Variants in PFKFB4 observed in about 807,000 individuals in gnomAD.
PFKFB4 encodes the protein 6-phosphofructo-2-kinase/fructose-2,6-biphosphatase 4, also known as 6-phosphofructo-2-kinase/fructose-2,6-bisphosphatase 4.
In PFKFB4, 42 loss-of-function variants were observed where a neutral mutation model predicts 62.8. That is an observed-to-expected ratio of 0.67 (90% CI 0.52 to 0.86). The LOEUF is 0.86. PFKFB4 is among the 40% of genes least tolerant of loss of function. The pLI, the probability that PFKFB4 is intolerant of heterozygous loss-of-function variation, is 0.00. For missense variants in PFKFB4, 475 were observed against 627.2 expected (o/e 0.76, Z 2.59); for synonymous variants, 204 against 240.7 (o/e 0.85, Z 1.41).
chr3:48,559,697 C>A, upstream of PFKFB4: 1 of 432,832 alleles, frequency 2.3e-6, no homozygotes, highest in South Asian at 1.7e-5. Context: ...CACGTGTGAA[C>A]ATGTTCTGCT....
upstream of PFKFB4, chr3:48,562,596 G>A: frequency 1.6e-6 from 1 of 619,126 alleles, no homozygotes; most frequent in Non-Finnish European, 2.7e-6. This position sits in a 1 kb window ranked among gnomAD's most constrained non-coding sequence, Gnocchi z 4.3. Context: ...GTGACTCTGT[G>A]GGGCACTCAG....
At chr3:48,560,771 C>A (rs1368532368), upstream of PFKFB4, among the ~76,000 whole-genome samples, 1 of 152,248 alleles carries the variant, frequency 6.6e-6, no homozygotes, top group African/African-American at 2.4e-5. Context: ...CCTTGGAGGC[C>A]AGCAAAGAGC....
At chr3:48,535,382 C>T in intron 9 of PFKFB4, 130 bp downstream of exon 9, 1 of 809,552 alleles carries the variant, frequency 1.2e-6, no homozygotes. Flanking sequence ...TGCTCCCAGC[C>T]CCTAGGTTCC....
intron 3 of PFKFB4, among the ~76,000 whole-genome samples, chr3:48,547,449 G>A (rs966431373): frequency 7.2e-5 from 11 of 152,100 alleles, no homozygotes; most frequent in African/African-American, 2.2e-4. Context: ...GAGTGTGCCT[G>A]TTTAGAATAT....
chr3:48,546,231 TG>T (rs937705362), intron 3 of PFKFB4, among the ~76,000 whole-genome samples: 4 of 152,200 alleles, frequency 2.6e-5, no homozygotes, highest in African/African-American at 9.6e-5. Flanking sequence ...TGTGACTAAA[TG>T]GGCACAGGTA....
intron 1 of PFKFB4, among the ~76,000 whole-genome samples, chr3:48,552,976 T>C (rs2043200858): frequency 6.6e-6 from 1 of 152,122 alleles, no homozygotes; most frequent in Non-Finnish European, 1.5e-5. Flanking sequence ...AAACCAAAGT[T>C]CAAGTGTATC....
In PFKFB4 at chr3:48,543,254, CCCA is replaced by C. The variant is rs1159438226; in HGVS notation, c.378+323_378+325del. Among the ~76,000 whole-genome samples the C allele has an allele frequency of 2.6e-5, 4 of 152,154 alleles. No homozygotes were observed. In the South Asian group the frequency reaches 6.2e-4, roughly 24 times the overall value. ...ACCAGTAATGCTGGGCAGGATTCTC[CCCA>C]CACCAGGAGAAATCACATTTACTAA... On this transcript the variant is annotated intron_variant, in intron 4 of 13. Coordinates refer to ENST00000232375, the MANE Select transcript of PFKFB4 (RefSeq NM_004567.4).
chr3:48,525,658 C>A lies in PFKFB4; in HGVS notation c.999G>T (p.Glu333Asp). 6.2e-7 allele frequency: 1 copy of A among 1,601,608 alleles called. No individual in the cohort carries two copies. Among genetic ancestry groups the A allele is most frequent in the Non-Finnish European group, 8.5e-7 (1 of 1,171,850 alleles). The change falls in exon 10 of 14, where the codon GAG (glutamate) becomes GAT (aspartate). Residue 333 changes from glutamate (E) to aspartate (D), a missense_variant. Coordinates refer to ENST00000232375, the MANE Select transcript of PFKFB4 (RefSeq NM_004567.4). Reference sequence around the variant, plus strand: ...CCTGAATTTCCTCGTAGGTCATTTCCTCACAGACGCCCTAGGGAGATACCA... The same window carrying A: ...CCTGAATTTCCTCGTAGGTCATTTCATCACAGACGCCCTAGGGAGATACCA... ...VLNEIDAGVC[E>D]EMTYEEIQDN...
chr3:48,531,859 A>C lies in PFKFB4; in HGVS notation c.987+3653T>G, dbSNP rs903123676. On this transcript the variant is annotated intron_variant, in intron 9 of 13. Transcript: ENST00000232375. ...CAAATCAAAACCAAGATGCAATACC[A>C]CACCCATTAGGATGGCTACTATTAA... Among the ~76,000 whole-genome samples, 6 of 152,290 alleles carry C rather than the reference A, an allele frequency of 3.9e-5. No homozygotes were observed. In the South Asian group the frequency reaches 1.2e-3, roughly 32 times the overall value.
At chr3:48,525,541 G>C (rs2042228176) in intron 10 of PFKFB4, 24 bp downstream of exon 10, 2 of 1,371,678 alleles carry the variant, frequency 1.5e-6, no homozygotes, top group Admixed American at 1.9e-5. Flanking sequence ...AGGTGGCTGG[G>C]ACTAAGCCCC....
chr3:48,544,624 TC>T (rs1187765477), intron 3 of PFKFB4, among the ~76,000 whole-genome samples: 2 of 152,062 alleles, frequency 1.3e-5, no homozygotes, highest in African/African-American at 4.8e-5. Flanking sequence ...TCTTTAAATT[TC>T]TTTTAGAGAT....
At chr3:48,526,835 G>A (rs1234732474) in intron 9 of PFKFB4, among the ~76,000 whole-genome samples, 2 of 151,898 alleles carry the variant, frequency 1.3e-5, no homozygotes, top group African/African-American at 2.4e-5. Context: ...CAGCTACTTG[G>A]GAGGCTGAGG....
At chr3:48,551,135 C>T (rs570196927) in intron 1 of PFKFB4, among the ~76,000 whole-genome samples, 1 of 152,310 alleles carries the variant, frequency 6.6e-6, no homozygotes, top group South Asian at 2.1e-4. Context: ...AATACAGCCC[C>T]CTATATTCCC....
intron 9 of PFKFB4, 83 bp from the exon 10 acceptor site, chr3:48,525,752 C>A (rs2042237567): frequency 1.7e-6 from 1 of 597,122 alleles, no homozygotes. Flanking sequence ...CAGCATCAAG[C>A]AGAAGAGACC....
chr3:48,525,910 A>C (rs530339865), intron 9 of PFKFB4: 126 of 326,246 alleles, frequency 3.9e-4, no homozygotes, highest in Non-Finnish European at 5.7e-4. Context: ...TCCAATACAC[A>C]CAGAGATGCT....
chr3:48,561,194 A>T, upstream of PFKFB4: 1 of 718,306 alleles, frequency 1.4e-6, no homozygotes, highest in Non-Finnish European at 2.0e-6. This position sits in a 1 kb window ranked among gnomAD's most constrained non-coding sequence, Gnocchi z 5.2. Flanking sequence ...CTGAAGAGAG[A>T]GAAGCGACTC....
At chr3:48,554,854 C>T (rs1013319594) in intron 1 of PFKFB4, among the ~76,000 whole-genome samples, 1 of 152,046 alleles carries the variant, frequency 6.6e-6, no homozygotes, top group Non-Finnish European at 1.5e-5. Context: ...GAATTCAAGA[C>T]GAGCCTGGCC....
rs2041997516 is a variant in PFKFB4, at chr3:48,518,847, C to T, written c.*900G>A. The T allele has an allele frequency of 6.6e-6, 1 of 152,238 alleles. No individual in the cohort carries two copies. Among genetic ancestry groups the T allele is most frequent in the Admixed American group, 6.5e-5 (1 of 15,284 alleles). 9.4% of individuals were successfully genotyped at this position (152,238 alleles called of 1,614,324 possible). On this transcript the variant is annotated 3_prime_UTR_variant, in exon 14 of 14. Coordinates refer to ENST00000232375, the MANE Select transcript of PFKFB4 (RefSeq NM_004567.4). ...CAGCAACAGGGGAGAGGCCGCCTCC[C>T]CATTGGCTGCCAGTGTCCACAGCCA...
chr3:48,521,673 T>C lies in PFKFB4; in HGVS notation c.1350+313A>G, dbSNP rs573979655. On this transcript the variant is annotated intron_variant, in intron 13 of 13. Coordinates refer to ENST00000232375, the MANE Select transcript of PFKFB4 (RefSeq NM_004567.4). This position sits in a 1 kb window ranked among gnomAD's most constrained non-coding sequence, Gnocchi z 5.3. ...CCCAAGGGCCCCCTTGACTTAGACC[T>C]CCAAGTTGCTGCTTGGGAGCCCTGT... Among the ~76,000 whole-genome samples the C allele has an allele frequency of 7.2e-5, 11 of 152,228 alleles. No individual in the cohort carries two copies. Among genetic ancestry groups the C allele is most frequent in the African/African-American group, 2.6e-4 (11 of 41,542 alleles).
Sources: allele counts gnomAD v4.1 joint callset (sites outside exome capture counted in the v4.1 genomes callset), GRCh38; gene constraint gnomAD v4.1.1; non-coding constraint Gnocchi (gnomAD v3.1); transcripts MANE v1.5; gene names NCBI Gene and HGNC (gene_info 2026-07-23, HGNC 2026-07-21).